The following DIRAS2 variants were observed in gnomAD, a reference collection of about 807,000 sequenced individuals.
DIRAS2 encodes DIRAS family GTPase 2, also known as GTP-binding protein Di-Ras2.
Under a neutral mutation model 13.9 loss-of-function variants are expected in DIRAS2, and 5 were observed. The ratio of observed to expected loss-of-function variants is 0.36; its 90% CI spans 0.19 to 0.76. The LOEUF (loss-of-function observed/expected upper bound fraction) is 0.76, where lower values mean the gene tolerates loss of function less well. Among genes scored for constraint, DIRAS2 ranks in the 30% least tolerant of loss-of-function variants. DIRAS2 has a pLI of 0.53. For synonymous variants in DIRAS2, 111 were observed against 105.4 expected (o/e 1.05, Z -0.33); for missense variants, 191 against 263.0 (o/e 0.73, Z 1.89).
chr9:90,626,466 A>T (rs1445840836), intron 1 of DIRAS2, among the ~76,000 whole-genome samples: 1 of 151,838 alleles, frequency 6.6e-6, no homozygotes, highest in African/African-American at 2.4e-5. Context: ...AAAGACAAGA[A>T]ACTTGAATAG....
chr9:90,619,659 C>G (rs1202348298), intron 1 of DIRAS2, among the ~76,000 whole-genome samples: 1 of 152,070 alleles, frequency 6.6e-6, no homozygotes, highest in Admixed American at 6.5e-5. Context: ...AAAGGTTAAA[C>G]AGAATTATAA....
chr9:90,636,910 ACCATAGCTTAG>A (rs1430118831), intron 1 of DIRAS2, among the ~76,000 whole-genome samples: 6 of 152,222 alleles, frequency 3.9e-5, no homozygotes, highest in Non-Finnish European at 8.8e-5. Flanking sequence ...CCTACTGTAT[ACCATAGCTTAG>A]CCTTGCCTAC....
chr9:90,632,565 A>G (rs879464930), intron 1 of DIRAS2, among the ~76,000 whole-genome samples: 1 of 152,222 alleles, frequency 6.6e-6, no homozygotes, highest in African/African-American at 2.4e-5. Flanking sequence ...TTTAGAACAT[A>G]GTATGCAATT....
chr9:90,617,939 A>T (rs1364112534), intron 1 of DIRAS2, among the ~76,000 whole-genome samples: 3 of 152,210 alleles, frequency 2.0e-5, no homozygotes, highest in Non-Finnish European at 4.4e-5. Context: ...TAAATGGAAA[A>T]GCACCCCATG....
Position 90,610,402 on chromosome 9 carries a change from T to C in DIRAS2, c.*2826A>G. On this transcript the variant is annotated 3_prime_UTR_variant, in exon 2 of 2. Coordinates refer to ENST00000375765, the MANE Select transcript of DIRAS2 (RefSeq NM_017594.5). ...TTGCTCTTGTGTTGGTCTTGCTGCA[T>C]TGTATGCATGCCCATGGCTTGTCGC... 3 of 399,014 alleles carry C rather than the reference T, an allele frequency of 7.5e-6. No individual in the cohort carries two copies. Among genetic ancestry groups the C allele is most frequent in the Non-Finnish European group, 1.3e-5 (3 of 226,050 alleles). 24.7% of individuals were successfully genotyped at this position (399,014 alleles called of 1,614,324 possible). A position where few individuals can be genotyped will look rare whatever the true frequency, so the allele number is the denominator to read the frequency against.
chr9:90,634,381 G>A lies in DIRAS2; in HGVS notation c.-37+8371C>T, dbSNP rs556828919. Among the ~76,000 whole-genome samples, 5 of 152,288 alleles carry A rather than the reference G, an allele frequency of 3.3e-5. No individual in the cohort carries two copies. In the South Asian group the frequency reaches 1.0e-3, roughly 32 times the overall value. On this transcript the variant is annotated intron_variant, in intron 1 of 1. Coordinates refer to ENST00000375765, the MANE Select transcript of DIRAS2 (RefSeq NM_017594.5). ...ATTTGCGTCTGCTCCATGGTGACCG[G>A]GCAGGTTAGCAATAGGAGGGAATAA... is the stretch of plus-strand genomic sequence containing the variant.
chr9:90,637,926 A>G (rs1825385313), intron 1 of DIRAS2, among the ~76,000 whole-genome samples: 1 of 152,202 alleles, frequency 6.6e-6, no homozygotes, highest in Non-Finnish European at 1.5e-5. Context: ...GATGCTTACA[A>G]AATTTGAGAA....
chr9:90,627,099 C>G (rs1488652454), intron 1 of DIRAS2, among the ~76,000 whole-genome samples: 1 of 152,086 alleles, frequency 6.6e-6, no homozygotes, highest in Non-Finnish European at 1.5e-5. Flanking sequence ...TCCTCCTCCC[C>G]ACACCCCCAA....
At chr9:90,622,111 G>T (rs1825224418) in intron 1 of DIRAS2, among the ~76,000 whole-genome samples, 1 of 152,142 alleles carries the variant, frequency 6.6e-6, no homozygotes, top group African/African-American at 2.4e-5. Context: ...AGTAAGCTAG[G>T]CGTGATAGCA....
intron 1 of DIRAS2, among the ~76,000 whole-genome samples, chr9:90,628,860 C>CTTT (rs71360440): frequency 6.8e-6 from 1 of 147,838 alleles, no homozygotes; most frequent in South Asian, 2.1e-4. Context: ...AAATATATTA[C>CTTT]TTTTTTTTTT....
At chr9:90,621,235 G>A (rs1436513132) in intron 1 of DIRAS2, among the ~76,000 whole-genome samples, 1 of 152,178 alleles carries the variant, frequency 6.6e-6, no homozygotes, top group Non-Finnish European at 1.5e-5. Flanking sequence ...TGAAATAAAT[G>A]TGGAGATTAA....
At chr9:90,637,047 C>A (rs1464001998) in intron 1 of DIRAS2, among the ~76,000 whole-genome samples, 1 of 152,204 alleles carries the variant, frequency 6.6e-6, no homozygotes, top group African/African-American at 2.4e-5. Flanking sequence ...TAACTAACAG[C>A]TATGGCTCAC....
chr9:90,642,352 C>G (rs1825426363), intron 1 of DIRAS2, among the ~76,000 whole-genome samples: 1 of 152,222 alleles, frequency 6.6e-6, no homozygotes, highest in African/African-American at 2.4e-5. Context: ...GCATGCCGAA[C>G]CAAACGGCAG....
chr9:90,613,448 G>A lies in DIRAS2; in HGVS notation c.380C>T (p.Pro127Leu), dbSNP rs986198864. The change falls in exon 2 of 2, where the codon CCC becomes CTC. Residue 127 changes from proline (P) to leucine (L), a missense_variant. Coordinates refer to ENST00000375765, the MANE Select transcript of DIRAS2 (RefSeq NM_017594.5). The surrounding 1 kb of genome is among the most constrained non-coding windows in gnomAD (Gnocchi z 5.6). ...CTCGCTGCTCTGCACCTCGCGGCTG[G>A]GGCTCTCATCACACTTGTTCCCCAC... ...MLVGNKCDESPSREVQSSEAE... is the reference protein window; with the variant it reads ...MLVGNKCDESLSREVQSSEAE... 20 of 1,613,972 alleles carry A rather than the reference G, an allele frequency of 1.2e-5. No homozygotes were observed. The highest frequency in any genetic ancestry group is 1.5e-5 in the Non-Finnish European group (18 of 1,180,012).
At chr9:90,615,443 G>C (rs1825160378) in intron 1 of DIRAS2, among the ~76,000 whole-genome samples, 1 of 152,182 alleles carries the variant, frequency 6.6e-6, no homozygotes, top group South Asian at 2.1e-4. Context: ...AGAAGAGTCT[G>C]CTTAGGAGTT....
intron 1 of DIRAS2, among the ~76,000 whole-genome samples, chr9:90,631,550 G>A (rs917664554): frequency 6.6e-6 from 1 of 152,072 alleles, no homozygotes; most frequent in Admixed American, 6.5e-5. Flanking sequence ...ACGTGCCAAG[G>A]GTGGCTTGTA....
At chr9:90,630,351 G>A (rs1426780412) in intron 1 of DIRAS2, among the ~76,000 whole-genome samples, 1 of 152,186 alleles carries the variant, frequency 6.6e-6, no homozygotes, top group African/African-American at 2.4e-5. Context: ...ACCACTCAAA[G>A]GTTGGCAACG....
chr9:90,635,144 G>C (rs1825358959), intron 1 of DIRAS2, among the ~76,000 whole-genome samples: 1 of 152,230 alleles, frequency 6.6e-6, no homozygotes, highest in South Asian at 2.1e-4. Context: ...ACACATGGAA[G>C]AGGAGCAGAC....
At chr9:90,625,365 GC>G (rs1825258729) in intron 1 of DIRAS2, among the ~76,000 whole-genome samples, 1 of 152,190 alleles carries the variant, frequency 6.6e-6, no homozygotes, top group African/African-American at 2.4e-5. Context: ...TGTTTCTCAT[GC>G]TTTTGGTGTC....
Sources: allele counts gnomAD v4.1 joint callset (sites outside exome capture counted in the v4.1 genomes callset), GRCh38; gene constraint gnomAD v4.1.1; non-coding constraint Gnocchi (gnomAD v3.1); transcripts MANE v1.5; gene names NCBI Gene and HGNC (gene_info 2026-07-23, HGNC 2026-07-21).